The following KCNQ5 variants were observed in gnomAD, a reference collection of about 807,000 sequenced individuals.
KCNQ5 encodes potassium voltage-gated channel subfamily KQT member 5.
A neutral mutation model predicts 98.2 loss-of-function variants in KCNQ5; 30 were observed. That is an observed-to-expected ratio of 0.31 (90% confidence interval 0.23 to 0.41). KCNQ5 has a LOEUF of 0.41. KCNQ5 is among the 10% of genes least tolerant of loss of function. The probability of loss-of-function intolerance (pLI) is 1.00; values close to 1 mark genes in which losing one functional copy is unlikely to be tolerated. For synonymous variants in KCNQ5, 458 were observed against 449.4 expected (o/e 1.02, Z -0.24); for missense variants, 835 against 1,182.5 (o/e 0.71, Z 4.31).
intron 2 of KCNQ5, among the ~76,000 whole-genome samples, chr6:73,025,827 C>T (rs1770855234): frequency 6.6e-6 from 1 of 152,064 alleles, no homozygotes; most frequent in Non-Finnish European, 1.5e-5. Context: ...GAAACTTGTC[C>T]GTTCATGGCC....
At chr6:72,978,576 T>C (rs184519085) in intron 1 of KCNQ5, among the ~76,000 whole-genome samples, 165 of 152,342 alleles carry the variant, frequency 1.1e-3, no homozygotes, top group African/African-American at 3.9e-3. Flanking sequence ...GACTTTCCCA[T>C]TCCAAAGCCT....
At chr6:72,942,741 G>A (rs1562083712) in intron 1 of KCNQ5, among the ~76,000 whole-genome samples, 1 of 152,184 alleles carries the variant, frequency 6.6e-6, no homozygotes, top group Non-Finnish European at 1.5e-5. Context: ...AATGACTGCG[G>A]TAGGGGCAGT....
intron 3 of KCNQ5, among the ~76,000 whole-genome samples, chr6:73,065,126 C>A (rs1224528458): frequency 1.3e-5 from 2 of 151,936 alleles, no homozygotes; most frequent in Non-Finnish European, 2.9e-5. Context: ...TCACCATCTA[C>A]CAAATGCCTA....
intron 1 of KCNQ5, among the ~76,000 whole-genome samples, chr6:72,834,682 T>G (rs376731626): frequency 2.0e-5 from 3 of 152,302 alleles, no homozygotes; most frequent in Non-Finnish European, 2.9e-5. Context: ...TTGGCCTTCC[T>G]TCTTTTACGT....
At chr6:73,083,583 C>CA (rs1423927002) in intron 5 of KCNQ5, among the ~76,000 whole-genome samples, 41 of 152,288 alleles carry the variant, frequency 2.7e-4, no homozygotes, top group African/African-American at 9.6e-4. Flanking sequence ...AATTGCAGAA[C>CA]ACATTCTTCA....
intron 1 of KCNQ5, among the ~76,000 whole-genome samples, chr6:72,708,292 GT>G (rs1168793810): frequency 4.0e-5 from 6 of 151,832 alleles, no homozygotes; most frequent in African/African-American, 1.5e-4. Flanking sequence ...TATTTTACAT[GT>G]ATTAAGATAT....
chr6:73,103,271 G>C (rs1490670865), intron 5 of KCNQ5, among the ~76,000 whole-genome samples: 2 of 152,176 alleles, frequency 1.3e-5, no homozygotes, highest in Non-Finnish European at 2.9e-5. Context: ...TTAAGAAAAT[G>C]TGGCACATAT....
At chr6:73,018,569 C>T (rs1302598272) in intron 2 of KCNQ5, among the ~76,000 whole-genome samples, 2 of 152,000 alleles carry the variant, frequency 1.3e-5, no homozygotes, top group African/African-American at 4.8e-5. Flanking sequence ...CACTAAGGAC[C>T]TACCAGGTAT....
At chr6:72,994,267 C>CCA (rs1769171037) in intron 1 of KCNQ5, among the ~76,000 whole-genome samples, 1 of 55,736 alleles carries the variant, frequency 1.8e-5, no homozygotes, top group Non-Finnish European at 3.3e-5. Flanking sequence ...GCCTCGTTGC[C>CCA]GCCTTGCAGT....
intron 1 of KCNQ5, among the ~76,000 whole-genome samples, chr6:72,644,052 C>G (rs1165151168): frequency 6.6e-6 from 1 of 151,914 alleles, no homozygotes; most frequent in African/African-American, 2.4e-5. Context: ...CCAGTATGTA[C>G]AGCACATAAC....
chr6:72,675,549 C>A (rs1181447200), intron 1 of KCNQ5, among the ~76,000 whole-genome samples: 1 of 152,034 alleles, frequency 6.6e-6, no homozygotes, highest in Admixed American at 6.5e-5. Flanking sequence ...TGCATCTTAC[C>A]AGACAAACAA....
chr6:72,798,225 A>G (rs1445909320), intron 1 of KCNQ5, among the ~76,000 whole-genome samples: 2 of 152,198 alleles, frequency 1.3e-5, no homozygotes, highest in African/African-American at 4.8e-5. Flanking sequence ...TTCTTATCTC[A>G]ATATTTCCTT....
chr6:72,723,115 C>G (rs1165817390), intron 1 of KCNQ5, among the ~76,000 whole-genome samples: 1 of 152,100 alleles, frequency 6.6e-6, no homozygotes, highest in African/African-American at 2.4e-5. Context: ...CTCAACCTCC[C>G]CAAGTGCTGG....
intron 1 of KCNQ5, among the ~76,000 whole-genome samples, chr6:72,824,733 T>C (rs1243171023): frequency 3.3e-5 from 5 of 152,068 alleles, no homozygotes; most frequent in Admixed American, 3.3e-4. Context: ...TTGATATATA[T>C]GATTCCAAGC....
chr6:72,932,966 A>T (rs1020772810), intron 1 of KCNQ5, among the ~76,000 whole-genome samples: 10 of 152,204 alleles, frequency 6.6e-5, no homozygotes, highest in African/African-American at 2.4e-4. Context: ...TGTCTTTCTC[A>T]ACTAAGAATA....
chr6:73,036,584 G>GAAT (rs1235786934), intron 2 of KCNQ5, among the ~76,000 whole-genome samples: 3 of 151,992 alleles, frequency 2.0e-5, no homozygotes, highest in Non-Finnish European at 4.4e-5. Flanking sequence ...TATATAAATG[G>GAAT]AATAATACAG....
intron 3 of KCNQ5, among the ~76,000 whole-genome samples, chr6:73,050,308 A>G (rs1180995670): frequency 4.4e-5 from 5 of 114,530 alleles, no homozygotes; most frequent in African/African-American, 1.5e-4. Flanking sequence ...GGAAGGAAGG[A>G]AGGGAGGGAA....
intron 10 of KCNQ5, among the ~76,000 whole-genome samples, chr6:73,156,195 G>A (rs572304017): frequency 6.6e-6 from 1 of 152,088 alleles, no homozygotes; most frequent in East Asian, 1.9e-4. Flanking sequence ...CAGAAAGAAG[G>A]AACCCTTGGA....
chr6:73,193,594 T>C (rs1765680324), intron 13 of KCNQ5, among the ~76,000 whole-genome samples: 1 of 151,600 alleles, frequency 6.6e-6, no homozygotes, highest in Admixed American at 6.6e-5. Context: ...CATCTTCATA[T>C]ACAAAGACAA....
Sources: allele counts gnomAD v4.1 joint callset (sites outside exome capture counted in the v4.1 genomes callset), GRCh38; gene constraint gnomAD v4.1.1; transcripts MANE v1.5; gene names NCBI Gene and HGNC (gene_info 2026-07-23, HGNC 2026-07-21).